UBAP2L: variants seen among roughly 807,000 people sequenced by gnomAD.
UBAP2L encodes ubiquitin-associated protein 2-like.
A neutral mutation model predicts 130.6 loss-of-function variants in UBAP2L; 12 were observed. The ratio of observed to expected loss-of-function variants is 0.09; its 90% confidence interval spans 0.06 to 0.15. The LOEUF (loss-of-function observed/expected upper bound fraction) is 0.15. Ranked by LOEUF, UBAP2L falls within the 10% of genes least tolerant of loss-of-function variation. The pLI, the probability that UBAP2L is intolerant of heterozygous loss-of-function variation, is 1.00. For synonymous variants in UBAP2L, 503 were observed against 524.7 expected, an observed-to-expected ratio of 0.96 and a Z score of 0.57; for missense variants, 965 against 1,332.5, an observed-to-expected ratio of 0.72 and a Z score of 4.29.
intron 4 of UBAP2L, among the ~76,000 whole-genome samples, chr1:154,233,593 G>A (rs1397170820): frequency 1.3e-5 from 2 of 149,288 alleles, no homozygotes; most frequent in African/African-American, 5.1e-5. Flanking sequence ...AAAGTGCTGG[G>A]ATTACAGGTG....
intron 10 of UBAP2L, among the ~76,000 whole-genome samples, chr1:154,244,195 G>A (rs545484657): frequency 5.3e-5 from 8 of 152,178 alleles, no homozygotes; most frequent in South Asian, 2.1e-4. Flanking sequence ...CAGTTCTGAC[G>A]TTAACTACCC....
chr1:154,229,163 C>T (rs1668982070), intron 4 of UBAP2L, among the ~76,000 whole-genome samples: 1 of 151,676 alleles, frequency 6.6e-6, no homozygotes, highest in African/African-American at 2.4e-5. Flanking sequence ...CAGGACATTC[C>T]CCTCAATATC....
At chr1:154,236,686 C>G in intron 7 of UBAP2L, 75 bp downstream of exon 7, 1 of 1,511,750 alleles carries the variant, frequency 6.6e-7, no homozygotes, top group Non-Finnish European at 9.2e-7. Context: ...CCAAAATGAT[C>G]AGAATGATTT....
At chr1:154,271,171 G>A (rs769263183), downstream of UBAP2L, 14 of 463,954 alleles carry the variant, frequency 3.0e-5, no homozygotes, top group Non-Finnish European at 4.2e-5. Context: ...GGATAGAGGA[G>A]ATTGGGTGGA....
upstream of UBAP2L, chr1:154,220,653 C>G (rs547024002): frequency 1.8e-6 from 1 of 567,832 alleles, no homozygotes; most frequent in Non-Finnish European, 3.2e-6. Flanking sequence ...CCAGGAGCGT[C>G]GAGCGCTCAG....
chr1:154,263,139 C>T (rs932470272), intron 24 of UBAP2L: 45 of 1,551,896 alleles, frequency 2.9e-5, no homozygotes, highest in East Asian at 7.3e-5. Flanking sequence ...CATTTCTGGA[C>T]GGCTGAGAGC....
chr1:154,240,913 G>A (rs1264069632), intron 8 of UBAP2L, among the ~76,000 whole-genome samples: 2 of 151,210 alleles, frequency 1.3e-5, no homozygotes, highest in East Asian at 3.9e-4. Context: ...ACTGCTTTGA[G>A]CATTGGGTGG....
At chr1:154,254,953 A>G in intron 16 of UBAP2L, 63 bp downstream of exon 16, 1 of 1,550,114 alleles carries the variant, frequency 6.5e-7, no homozygotes, top group South Asian at 1.2e-5. Context: ...AATGGTGATA[A>G]TCCATTAGTT....
Position 154,243,223 on chromosome 1 carries a change from G to T in UBAP2L, c.763G>T (p.Glu255Ter). 1 of 1,610,872 alleles carries T rather than the reference G, an allele frequency of 6.2e-7. No homozygotes were observed. Among genetic ancestry groups the T allele is most frequent in the South Asian group, 1.1e-5 (1 of 91,014 alleles). The change falls in exon 10 of 27, where the codon GAG (glutamate) becomes TAG (stop). Residue 255 changes from glutamate (E) to a stop codon, truncating the protein, a stop_gained. Transcript: ENST00000428931. LOFTEE classifies it high-confidence loss of function. ...GTEDWNEDLSETKIFTASNVS... is the reference protein window; with the variant it reads ...GTEDWNEDLS ...TAATCCCTCTGTTTTCCAGCTTTCT[G>T]AGACCAAGATCTTCACTGCCTCTAA...
Position 154,254,879 on chromosome 1 carries a change from A to G in UBAP2L, c.1898A>G (p.Gln633Arg). The G allele has an allele frequency of 6.3e-7, 1 of 1,597,640 alleles. No individual in the cohort carries two copies. The highest frequency in any genetic ancestry group is 8.5e-7 in the Non-Finnish European group (1 of 1,175,914). The change falls in exon 16 of 27, where the codon CAA becomes CGA. Residue 633 changes from glutamine to arginine, a missense_variant. Gln to Arg is a conservative substitution (Grantham distance 43, BLOSUM62 1). Coordinates refer to ENST00000428931, the MANE Select transcript of UBAP2L (RefSeq NM_014847.4). ...CAGGCCACGCAGTTACAGACCACAC[A>G]ATCTGTTGAAGGTGAGTGTTCTTCA... ...SVQATQLQTT[Q>R]SVEGATGSAV...
chr1:154,268,188 CTTTT>C (rs531122983), intron 25 of UBAP2L, among the ~76,000 whole-genome samples: 22 of 149,332 alleles, frequency 1.5e-4, no homozygotes, highest in Non-Finnish European at 3.1e-4. Flanking sequence ...TGCGCCCAGC[CTTTT>C]TTTTTCTTTT....
At chr1:154,246,174 T>C (rs765047268) in intron 10 of UBAP2L, 30 bp from the exon 11 acceptor site, 2 of 1,584,168 alleles carry the variant, frequency 1.3e-6, no homozygotes, top group Non-Finnish European at 8.6e-7. Context: ...TCAGTCATTC[T>C]TCATGAAGAT....
At chr1:154,258,949 G>T in intron 20 of UBAP2L, 28 bp from the exon 21 acceptor site, 2 of 1,606,500 alleles carry the variant, frequency 1.2e-6, no homozygotes, top group Non-Finnish European at 1.7e-6. Flanking sequence ...ACCAGTTCCT[G>T]TTATTGCTAT....
In UBAP2L at chr1:154,270,252, C is replaced by A; in HGVS notation, c.3221C>A (p.Thr1074Asn). ...AGCTCCATCCCGCAGAAGCCCCAGA[C>A]CAACAAGTCTGCCTACAACAGCTAC... Reference protein sequence around the residue: ...QTSSIPQKPQTNKSAYNSYSW... With the variant: ...QTSSIPQKPQNNKSAYNSYSW... The change falls in exon 27 of 27, where the codon ACC becomes AAC. Residue 1074 changes from threonine to asparagine, a missense_variant. By Grantham distance (65) the Thr-to-Asn change is moderately conservative (BLOSUM62 0). Transcript: ENST00000428931. 6.2e-7 allele frequency: 1 copy of A among 1,613,632 alleles called. No homozygotes were observed. Among genetic ancestry groups the A allele is most frequent in the Non-Finnish European group, 8.5e-7 (1 of 1,179,806 alleles).
chr1:154,247,569 A>G (rs1203947876), intron 11 of UBAP2L, among the ~76,000 whole-genome samples: 1 of 152,130 alleles, frequency 6.6e-6, no homozygotes, highest in Non-Finnish European at 1.5e-5. Flanking sequence ...TTTGATATCA[A>G]AAAGATGTTT....
rs570531231 is a variant in UBAP2L, at chr1:154,256,461, A to G, written c.2158-602A>G. Among the ~76,000 whole-genome samples the G allele has an allele frequency of 9.2e-5, 14 of 152,116 alleles. No homozygotes were observed. The East Asian group carries it at 1.2e-3, about 13-fold the overall frequency. Reference sequence around the variant, plus strand: ...AGACCAACCTGAGCAATATAGTGAGACCTCATCTCCATAAAAATTTTTTGA... The same window carrying G: ...AGACCAACCTGAGCAATATAGTGAGGCCTCATCTCCATAAAAATTTTTTGA... On this transcript the variant is annotated intron_variant, in intron 18 of 26. Transcript: ENST00000428931.
Position 154,270,790 on chromosome 1 carries a change from C to G in UBAP2L, c.*495C>G. 3.1e-5 allele frequency: 12 copies of G among 384,892 alleles called. No homozygotes were observed. Among genetic ancestry groups the G allele is most frequent in the South Asian group, 2.1e-4 (5 of 23,850 alleles). The allele number at this position is 384,892 out of a possible 1,614,324, so 23.8% of individuals were successfully genotyped here. A position where few individuals can be genotyped will look rare whatever the true frequency, so the allele number is the denominator to read the frequency against. ...TTTTTGTTTTTTTTTTTTTTTTGTA[C>G]TGTGTCCTCAAATTTAATGGATTAA... On this transcript the variant is annotated 3_prime_UTR_variant, in exon 27 of 27. Transcript: ENST00000428931.
chr1:154,234,818 T>C (rs1170393073), intron 5 of UBAP2L, 59 bp downstream of exon 5: 3 of 1,548,938 alleles, frequency 1.9e-6, no homozygotes, highest in Admixed American at 2.0e-5. Context: ...ACTCTAGGGA[T>C]GTGCCAGGGC....
intron 4 of UBAP2L, among the ~76,000 whole-genome samples, chr1:154,230,266 C>A (rs1477193837): frequency 6.6e-6 from 1 of 152,202 alleles, no homozygotes. Context: ...CTCGGCCTTC[C>A]AAAATGTTAG....
Sources: gnomAD v4.1 joint callset for allele counts (sites outside exome capture counted in the v4.1 genomes callset) on GRCh38, gnomAD v4.1.1 for gene constraint, MANE v1.5 for transcripts, NCBI Gene and HGNC (gene_info 2026-07-23, HGNC 2026-07-21) for gene names.